FIRRM: variants seen among roughly 807,000 people sequenced by gnomAD.
The protein encoded by FIRRM is FIGNL1-interacting regulator of recombination and mitosis.
At chr1:169,838,490 T>C in the FIRRM span, among the ~76,000 whole-genome samples, 15,986 of 152,124 alleles carry the variant, frequency 0.11, 1,015 homozygotes, top group Admixed American at 0.18. Context: ...TCAACTTTTA[T>C]TTTTTATTTT....
the FIRRM span, chr1:169,853,469 C>T: frequency 1.9e-5 from 9 of 468,996 alleles, no homozygotes; most frequent in South Asian, 4.0e-5. Context: ...AGAAACTGGC[C>T]TCAGTCAAAT....
At chr1:169,853,727 C>T in the FIRRM span, 2 of 1,613,656 alleles carry the variant, frequency 1.2e-6, no homozygotes, top group African/African-American at 1.3e-5. Context: ...CAGTTATTAT[C>T]TTCCCAGTTC....
chr1:169,824,110 C>A, the FIRRM span, among the ~76,000 whole-genome samples: 1 of 152,184 alleles, frequency 6.6e-6, no homozygotes, highest in Non-Finnish European at 1.5e-5. Context: ...TCTTCCAACA[C>A]CTTCCCAATT....
At chr1:169,795,359 G>A in the FIRRM span, 92 of 1,414,598 alleles carry the variant, frequency 6.5e-5, no homozygotes, top group East Asian at 2.1e-3. Flanking sequence ...TGAGTGGGAT[G>A]AAAAGTGAGG....
the FIRRM span, among the ~76,000 whole-genome samples, chr1:169,825,629 G>A: frequency 1.3e-5 from 2 of 152,278 alleles, no homozygotes; most frequent in South Asian, 2.1e-4. Context: ...ATTTGTATAT[G>A]TCTTTTATTT....
the FIRRM span, among the ~76,000 whole-genome samples, chr1:169,803,674 C>T: frequency 6.6e-6 from 1 of 152,148 alleles, no homozygotes; most frequent in Non-Finnish European, 1.5e-5. Flanking sequence ...GAAAGTTAAT[C>T]CTTATTTAGT....
At chr1:169,834,286 A>G in the FIRRM span, among the ~76,000 whole-genome samples, 1 of 152,180 alleles carries the variant, frequency 6.6e-6, no homozygotes, top group Non-Finnish European at 1.5e-5. Flanking sequence ...TTCTTTATGT[A>G]CAAGTTATTG....
the FIRRM span, among the ~76,000 whole-genome samples, chr1:169,810,499 G>A: frequency 3.3e-5 from 5 of 151,874 alleles, no homozygotes; most frequent in East Asian, 3.9e-4. Flanking sequence ...TTAGCTTCTC[G>A]GTGTCACTGG....
the FIRRM span, among the ~76,000 whole-genome samples, chr1:169,810,419 G>GTTCA: frequency 6.6e-6 from 1 of 151,916 alleles, no homozygotes; most frequent in Non-Finnish European, 1.5e-5. Flanking sequence ...AGAGGCAGAA[G>GTTCA]TTCACAGTGT....
chr1:169,807,707 C>A, the FIRRM span: 2 of 1,233,214 alleles, frequency 1.6e-6, no homozygotes, highest in Non-Finnish European at 2.2e-6. Context: ...TTTAAATGTT[C>A]TACAAGGTAG....
chr1:169,796,026 C>T, the FIRRM span: 4 of 934,224 alleles, frequency 4.3e-6, no homozygotes, highest in African/African-American at 1.8e-5. Flanking sequence ...CATTTGAGCC[C>T]AGCTTTATAC....
the FIRRM span, chr1:169,853,011 G>C: frequency 6.5e-5 from 103 of 1,581,022 alleles, no homozygotes; most frequent in Admixed American, 2.2e-4. Flanking sequence ...GCAGAACTGG[G>C]TTTGATGCTT....
At chr1:169,807,877 C>T in the FIRRM span, 8 of 1,610,032 alleles carry the variant, frequency 5.0e-6, no homozygotes, top group Admixed American at 3.4e-5. Context: ...ATTCTTTTCT[C>T]CTTCCATTCT....
At chr1:169,823,423 C>T in the FIRRM span, 5 of 1,601,810 alleles carry the variant, frequency 3.1e-6, no homozygotes, top group Non-Finnish European at 4.3e-6. Context: ...TCTTCCTTTC[C>T]TCTCTGATTC....
chr1:169,801,776 C>T, the FIRRM span, among the ~76,000 whole-genome samples: 6 of 151,992 alleles, frequency 3.9e-5, no homozygotes, highest in African/African-American at 1.4e-4. Flanking sequence ...TACTTTGGTG[C>T]CAAAATGAAA....
At chr1:169,842,606 G>A in the FIRRM span, 1 of 1,565,718 alleles carries the variant, frequency 6.4e-7, no homozygotes, top group Middle Eastern at 2.0e-4. Context: ...GGATTGTACT[G>A]AAATTTTCCA....
At chr1:169,795,896 AG>A in the FIRRM span, 9 of 985,316 alleles carry the variant, frequency 9.1e-6, no homozygotes, top group Non-Finnish European at 1.1e-5. Context: ...TGAGGCGCTT[AG>A]CGCCTTCTTC....
chr1:169,819,655 A>G, the FIRRM span, among the ~76,000 whole-genome samples: 1 of 152,148 alleles, frequency 6.6e-6, no homozygotes, highest in Admixed American at 6.5e-5. Context: ...AATTAAGCTG[A>G]CTTTTAACCA....
chr1:169,851,994 C>A, the FIRRM span: 5 of 1,611,550 alleles, frequency 3.1e-6, no homozygotes, highest in Non-Finnish European at 4.2e-6. Flanking sequence ...GCCCTTTTTA[C>A]TTACTGACGA....
Sources: allele counts gnomAD v4.1 joint callset (sites outside exome capture counted in the v4.1 genomes callset), GRCh38; gene constraint gnomAD v4.1.1; transcripts MANE v1.5; gene names NCBI Gene and HGNC (gene_info 2026-07-23, HGNC 2026-07-21).